PHF11: variants seen among roughly 807,000 people sequenced by gnomAD.
PHF11 encodes BRCA1 C-terminus-associated protein.
A neutral mutation model predicts 40.5 loss-of-function variants in PHF11; 38 were observed. The ratio of observed to expected loss-of-function variants is 0.94; its 90% CI spans 0.72 to 1.23. The LOEUF is 1.23. PHF11 is among the 50% of genes most tolerant of loss of function. PHF11 has a pLI of 0.00. For missense variants in PHF11, 369 were observed against 392.4 expected (o/e 0.94, Z 0.50); for synonymous variants, 127 against 138.2 (o/e 0.92, Z 0.57).
rs1252074553 is a variant in PHF11, at chr13:49,523,107, C to G, written c.571-68C>G. 6.4e-6 allele frequency: 7 copies of G among 1,094,944 alleles called. No homozygotes were observed. In the East Asian group the frequency reaches 7.1e-5, roughly 11 times the overall value. The allele number at this position is 1,094,944 out of a possible 1,614,324, so 67.8% of individuals were successfully genotyped here. ...AGGCATATCATTTAGTTATGCACAG[C>G]AAAAGACTGGTTTTCATTTTATGCA... is the stretch of plus-strand genomic sequence containing the variant. On this transcript the variant is annotated intron_variant, in intron 6 of 9. Coordinates refer to ENST00000378319, the MANE Select transcript of PHF11 (RefSeq NM_001040443.3).
intron 4 of PHF11, among the ~76,000 whole-genome samples, chr13:49,519,939 TGA>T (rs1959179514): frequency 6.6e-6 from 1 of 152,138 alleles, no homozygotes; most frequent in Admixed American, 6.5e-5. Flanking sequence ...CACTGCTTCC[TGA>T]GAGTCAGCGC....
Position 49,518,040 on chromosome 13 carries a change from G to C in PHF11, c.347G>C (p.Arg116Thr). The change falls in exon 4 of 10, where the codon AGA becomes ACA. Residue 116 changes from arginine to threonine, a missense_variant. Arg to Thr is a moderately conservative substitution (Grantham distance 71). Transcript: ENST00000378319. ...TAGAAATGCAAATTTTGTCATAAAA[G>C]AGGAGCCACCGTGGGATGTGATTTA... ...RKLKCKFCHK[R>T]GATVGCDLKN... The C allele has an allele frequency of 1.9e-6, 3 of 1,567,360 alleles. No homozygotes were observed. The highest frequency in any genetic ancestry group is 2.6e-6 in the Non-Finnish European group (3 of 1,146,104).
intron 1 of PHF11, chr13:49,496,558 T>C: frequency 1.7e-6 from 1 of 581,086 alleles, no homozygotes; most frequent in Non-Finnish European, 2.2e-6. Flanking sequence ...CCGTCTCCCC[T>C]TCTCCAGTCG....
chr13:49,517,614 C>G (rs1253513927), intron 3 of PHF11, among the ~76,000 whole-genome samples: 1 of 152,170 alleles, frequency 6.6e-6, no homozygotes. Context: ...TCACACCACT[C>G]TCCGTGGCAC....
chr13:49,496,070 G>C lies in PHF11; in HGVS notation c.69G>C (p.Ala23=). ...LGASSPEARP[A]QEALLLPTGV... is the part of the protein sequence containing the mutation. ...CCAGCAGCCCGGAGGCCCGGCCCGC[G>C]CAGGAGGCGCTCCTCCTTCCCACCG... The change falls in exon 1 of 10, where the codon GCG becomes GCC. Residue 23 remains alanine, a synonymous_variant. Coordinates refer to ENST00000378319, the MANE Select transcript of PHF11 (RefSeq NM_001040443.3). 1.5e-6 allele frequency: 2 copies of C among 1,357,166 alleles called. No individual in the cohort carries two copies. Among genetic ancestry groups the C allele is most frequent in the Non-Finnish European group, 1.9e-6 (2 of 1,051,946 alleles). The allele number at this position is 1,357,166 out of a possible 1,614,324, so 84.1% of individuals were successfully genotyped here.
At chr13:49,505,686 GGT>G (rs1958977882) in intron 1 of PHF11, among the ~76,000 whole-genome samples, 1 of 152,024 alleles carries the variant, frequency 6.6e-6, no homozygotes, top group South Asian at 2.1e-4. Context: ...CTGACACATG[GGT>G]GGAGATCTCA....
intron 2 of PHF11, 27 bp from the exon 3 acceptor site, chr13:49,513,032 C>T: frequency 8.9e-7 from 1 of 1,121,912 alleles, no homozygotes; most frequent in Non-Finnish European, 1.3e-6. Flanking sequence ...TTTGTGCATA[C>T]TCTGGATTTT....
intron 1 of PHF11, among the ~76,000 whole-genome samples, chr13:49,504,625 G>A (rs12873917): frequency 1.4e-5 from 2 of 147,466 alleles, no homozygotes; most frequent in Non-Finnish European, 1.5e-5. Flanking sequence ...CAGCCGCCCC[G>A]TCCGGGAGGT....
Position 49,520,965 on chromosome 13 carries a change from T to A in PHF11, c.505+25T>A, listed in dbSNP as rs367664043. 2.4e-4 allele frequency: 366 copies of A among 1,553,136 alleles called. 1 individual carries two copies. The highest frequency in any genetic ancestry group is 2.8e-4 in the Non-Finnish European group (321 of 1,135,408). ...GGTAAGTTTCTAAAATTTAGCACTG[T>A]GGGTTTTAAAGAAAGGTAAACATTT... On this transcript the variant is annotated intron_variant, in intron 5 of 9. Transcript: ENST00000378319.
chr13:49,501,000 G>GTTTTTTTTGTTTTTT (rs1958892451), intron 1 of PHF11, among the ~76,000 whole-genome samples: 1 of 51,310 alleles, frequency 1.9e-5, no homozygotes, highest in African/African-American at 9.1e-5. Flanking sequence ...ACCAACTTTT[G>GTTTTTTTTGTTTTTT]TTTTTTTTTT....
At chr13:49,520,614 G>C (rs1288869801) in intron 4 of PHF11, among the ~76,000 whole-genome samples, 1 of 152,136 alleles carries the variant, frequency 6.6e-6, no homozygotes, top group Non-Finnish European at 1.5e-5. Flanking sequence ...ACTGACCACT[G>C]TATATGAACT....
chr13:49,496,097 T>C lies in PHF11; in HGVS notation c.94+2T>C. 3.1e-6 allele frequency: 2 copies of C among 639,656 alleles called. No homozygotes were observed. The highest frequency in any genetic ancestry group is 4.3e-6 in the Non-Finnish European group (2 of 469,964). The allele number at this position is 639,656 out of a possible 1,614,324, so 39.6% of individuals were successfully genotyped here. ...AGGAGGCGCTCCTCCTTCCCACCGG[T>C]GTGTACCGCGGGGGCGGGCGGGCGG... On this transcript the variant is annotated splice_donor_variant, in intron 1 of 9. Transcript: ENST00000378319. LOFTEE classifies it high-confidence loss of function.
At chr13:49,519,017 A>G (rs1959175111) in intron 4 of PHF11, among the ~76,000 whole-genome samples, 1 of 151,716 alleles carries the variant, frequency 6.6e-6, no homozygotes, top group Non-Finnish European at 1.5e-5. Context: ...TTGTATTTTT[A>G]GTAGAGACGG....
intron 2 of PHF11, among the ~76,000 whole-genome samples, chr13:49,510,207 G>T (rs111391934): frequency 0.038 from 5,844 of 152,066 alleles, 159 homozygotes; most frequent in Middle Eastern, 0.082. Flanking sequence ...TGTACTTTTT[G>T]TAGAGATGGG....
intron 4 of PHF11, among the ~76,000 whole-genome samples, chr13:49,519,660 G>A (rs1013955815): frequency 7.4e-6 from 1 of 135,852 alleles, no homozygotes; most frequent in African/African-American, 2.9e-5. Flanking sequence ...GGGATAACGA[G>A]AGCAGGAGGG....
chr13:49,500,236 C>T (rs1048862090), intron 1 of PHF11, among the ~76,000 whole-genome samples: 3 of 152,150 alleles, frequency 2.0e-5, no homozygotes, highest in East Asian at 1.9e-4. Context: ...GCTAAACCCC[C>T]CTAGAAAGGA....
chr13:49,501,000 G>GTTTTTGTT (rs1958892357), intron 1 of PHF11, among the ~76,000 whole-genome samples: 4 of 51,302 alleles, frequency 7.8e-5, no homozygotes, highest in African/African-American at 1.8e-4. Context: ...ACCAACTTTT[G>GTTTTTGTT]TTTTTTTTTT....
intron 3 of PHF11, among the ~76,000 whole-genome samples, chr13:49,514,444 G>C (rs1959122791): frequency 6.6e-6 from 1 of 152,112 alleles, no homozygotes; most frequent in African/African-American, 2.4e-5. Context: ...AGGTCCTGAA[G>C]CAAGCCATAA....
chr13:49,521,867 A>G (rs1430556297), intron 5 of PHF11, 176 bp from the exon 6 acceptor site: 3 of 407,576 alleles, frequency 7.4e-6, no homozygotes, highest in Non-Finnish European at 4.5e-6. Flanking sequence ...CATTAAACTT[A>G]TAATATCTTT....
Sources: gnomAD v4.1 joint callset for allele counts (sites outside exome capture counted in the v4.1 genomes callset) on GRCh38, gnomAD v4.1.1 for gene constraint, MANE v1.5 for transcripts, NCBI Gene and HGNC (gene_info 2026-07-23, HGNC 2026-07-21) for gene names.